Variants in ARMH3 observed in about 807,000 individuals in gnomAD.
ARMH3 encodes armadillo-like helical domain-containing protein 3.
ARMH3 carries 60 observed loss-of-function variants against 99.1 expected under a neutral mutation model. The observed-to-expected ratio is 0.61, with a 90% CI of 0.49 to 0.75. ARMH3 has a LOEUF of 0.75. Among genes scored for constraint, ARMH3 ranks in the 30% least tolerant of loss-of-function variants. The pLI is 0.00. For synonymous variants in ARMH3, 285 were observed against 292.8 expected (o/e 0.97, Z 0.27); for missense variants, 679 against 843.1 (o/e 0.81, Z 2.41).
At chr10:101,849,095 C>T (rs931425343) in intron 25 of ARMH3, among the ~76,000 whole-genome samples, 7 of 152,162 alleles carry the variant, frequency 4.6e-5, no homozygotes, top group African/African-American at 1.7e-4. Flanking sequence ...GGTCTAAGGA[C>T]AGGGGAAGTG....
chr10:101,936,216 G>A (rs944238699), intron 23 of ARMH3, among the ~76,000 whole-genome samples: 5 of 152,026 alleles, frequency 3.3e-5, no homozygotes, highest in African/African-American at 4.8e-5. Context: ...AAAATTGGCC[G>A]GGTGCGGTGG....
chr10:101,999,151 T>C (rs1395976066), intron 15 of ARMH3, among the ~76,000 whole-genome samples: 1 of 152,198 alleles, frequency 6.6e-6, no homozygotes, highest in African/African-American at 2.4e-5. Flanking sequence ...GTTTTAATTT[T>C]TAATAAGAAT....
intron 9 of ARMH3, 32 bp downstream of exon 9, chr10:102,013,936 G>A: frequency 1.3e-6 from 2 of 1,544,670 alleles, no homozygotes; most frequent in Non-Finnish European, 1.8e-6. Flanking sequence ...ATGCAAATAA[G>A]TAAGACAATA....
intron 23 of ARMH3, among the ~76,000 whole-genome samples, chr10:101,935,747 C>T (rs1340195822): frequency 6.6e-6 from 1 of 152,222 alleles, no homozygotes; most frequent in Non-Finnish European, 1.5e-5. Context: ...AGTTTGTTCA[C>T]TCTGCCTTAA....
intron 24 of ARMH3, among the ~76,000 whole-genome samples, chr10:101,868,874 C>A (rs2067068022): frequency 6.6e-6 from 1 of 152,170 alleles, no homozygotes; most frequent in South Asian, 2.1e-4. Flanking sequence ...GAGTTCAAGA[C>A]TAGCTTGGCC....
chr10:101,862,303 G>A (rs913671202), intron 24 of ARMH3, among the ~76,000 whole-genome samples: 3 of 152,196 alleles, frequency 2.0e-5, no homozygotes, highest in African/African-American at 7.2e-5. Flanking sequence ...ATGGCCGGGT[G>A]TAGTGGCTCA....
At chr10:102,016,215 T>G (rs1045183619) in intron 8 of ARMH3, among the ~76,000 whole-genome samples, 9 of 152,242 alleles carry the variant, frequency 5.9e-5, no homozygotes, top group Non-Finnish European at 1.3e-4. Flanking sequence ...ATATGTGCAT[T>G]ACACTTAGCT....
intron 1 of ARMH3, among the ~76,000 whole-genome samples, chr10:102,050,110 T>C (rs1590241304): frequency 6.6e-6 from 1 of 151,522 alleles, no homozygotes; most frequent in South Asian, 2.1e-4. Flanking sequence ...GCCACTGTAC[T>C]CCAGCCTGGG....
At chr10:102,031,711 A>T (rs1215014722) in intron 4 of ARMH3, among the ~76,000 whole-genome samples, 1 of 152,326 alleles carries the variant, frequency 6.6e-6, no homozygotes. Context: ...ACAAGTTCCA[A>T]TAAAATTATG....
At chr10:101,863,235 G>C (rs1287144676) in intron 24 of ARMH3, among the ~76,000 whole-genome samples, 1 of 152,034 alleles carries the variant, frequency 6.6e-6, no homozygotes, top group African/African-American at 2.4e-5. Context: ...AATGATAGAA[G>C]AAAGTTGAAT....
intron 23 of ARMH3, among the ~76,000 whole-genome samples, chr10:101,924,363 G>GT (rs1456967895): frequency 3.4e-5 from 5 of 148,800 alleles, no homozygotes; most frequent in African/African-American, 1.2e-4. Flanking sequence ...TTTCTGCATT[G>GT]CTTTTTTTTT....
intron 24 of ARMH3, among the ~76,000 whole-genome samples, chr10:101,884,490 GAATA>G (rs2135422196): frequency 6.6e-6 from 1 of 152,270 alleles, no homozygotes; most frequent in East Asian, 1.9e-4. Flanking sequence ...ATCCAGTAAG[GAATA>G]AACTATGAGT....
At chr10:102,044,148 C>A (rs2067489440) in intron 1 of ARMH3, among the ~76,000 whole-genome samples, 1 of 144,148 alleles carries the variant, frequency 6.9e-6, no homozygotes, top group South Asian at 2.2e-4. Flanking sequence ...GGCTGGAGTG[C>A]AGCAGCGCCA....
At chr10:101,944,063 C>CAA (rs1221438055) in intron 22 of ARMH3, among the ~76,000 whole-genome samples, 1 of 66,652 alleles carries the variant, frequency 1.5e-5, no homozygotes, top group African/African-American at 5.8e-5. Context: ...GACTCCATCT[C>CAA]AAAAAAAAAA....
Position 102,009,982 on chromosome 10 carries a change from T to C in ARMH3, c.873A>G (p.Ser291=), listed in dbSNP as rs368040896. ...MFIADAHEKI[S]VQTNEAILLA... The stretch of plus-strand genomic sequence containing the variant: ...CAAGAATGTCAGGCACTTACTGTAC[T>C]GAGATTTTCTCATGGGCATCTGCTA... The change falls in exon 12 of 26, where the codon TCA becomes TCG. Residue 291 remains serine (S), a synonymous_variant. Transcript: ENST00000370033. 3.1e-6 allele frequency: 5 copies of C among 1,613,898 alleles called. No individual in the cohort carries two copies. In the Middle Eastern group the frequency reaches 4.9e-4, roughly 159 times the overall value.
intron 23 of ARMH3, among the ~76,000 whole-genome samples, chr10:101,912,172 A>T (rs1184124061): frequency 6.6e-6 from 1 of 152,140 alleles, no homozygotes; most frequent in Non-Finnish European, 1.5e-5. Context: ...AGGCAGGTGG[A>T]TCACAACGTC....
At chr10:101,987,424 A>T (rs774667921) in intron 19 of ARMH3, among the ~76,000 whole-genome samples, 1 of 152,098 alleles carries the variant, frequency 6.6e-6, no homozygotes, top group South Asian at 2.1e-4. Flanking sequence ...ACTCTATACA[A>T]ATCTTTCCTC....
At chr10:101,902,135 C>T (rs1375950119) in intron 23 of ARMH3, among the ~76,000 whole-genome samples, 1 of 152,140 alleles carries the variant, frequency 6.6e-6, no homozygotes, top group Non-Finnish European at 1.5e-5. Flanking sequence ...GCACTTGAAG[C>T]ACCTTTTGGC....
intron 23 of ARMH3, among the ~76,000 whole-genome samples, chr10:101,894,436 C>T: frequency 6.6e-6 from 1 of 152,184 alleles, no homozygotes; most frequent in East Asian, 1.9e-4. Flanking sequence ...GAGTGACACA[C>T]CTTTGCAGTA....
Sources: allele counts gnomAD v4.1 joint callset (sites outside exome capture counted in the v4.1 genomes callset), GRCh38; gene constraint gnomAD v4.1.1; transcripts MANE v1.5; gene names NCBI Gene and HGNC (gene_info 2026-07-23, HGNC 2026-07-21).